HAND2: variants seen among roughly 807,000 people sequenced by gnomAD.
HAND2 encodes the protein heart- and neural crest derivatives-expressed protein 2.
Under a neutral mutation model 14.7 loss-of-function variants are expected in HAND2, and 2 were observed. The observed-to-expected ratio is 0.14, with a 90% CI of 0.06 to 0.43. The LOEUF (loss-of-function observed/expected upper bound fraction) is 0.43. Ranked by LOEUF, HAND2 falls within the 20% of genes least tolerant of loss-of-function variation. The pLI, the probability that HAND2 is intolerant of heterozygous loss-of-function variation, is 0.99. For missense variants in HAND2, 275 were observed against 313.6 expected (o/e 0.88, Z 0.93); for synonymous variants, 162 against 135.9 (o/e 1.19, Z -1.34).
At position 173,526,771 on chromosome 4, in the gene HAND2, G is replaced by C. The variant is rs1731464155; in HGVS notation, c.*506C>G. 2.8e-6 allele frequency: 1 copy of C among 353,972 alleles called. No homozygotes were observed. The highest frequency in any genetic ancestry group is 5.6e-6 in the Non-Finnish European group (1 of 179,610). The allele number at this position is 353,972 out of a possible 1,614,324, so 21.9% of individuals were successfully genotyped here. On this transcript the variant is annotated 3_prime_UTR_variant, in exon 2 of 2. Transcript: ENST00000359562. Reference sequence around the variant, plus strand: ...GACCACAGATGAATGGATAGCACTAGATACCGACCCCAACGGAAATGTTAG... The same window carrying C: ...GACCACAGATGAATGGATAGCACTACATACCGACCCCAACGGAAATGTTAG...
At chr4:173,527,515 C>A in intron 1 of HAND2, 140 bp from the exon 2 acceptor site, 2 of 732,566 alleles carry the variant, frequency 2.7e-6, no homozygotes, top group East Asian at 2.5e-5. Context: ...GGAGTCCCAG[C>A]CCCTGCAGAG....
intron 1 of HAND2, chr4:173,527,579 C>G (rs1169889228): frequency 1.0e-5 from 6 of 599,496 alleles, no homozygotes; most frequent in East Asian, 2.8e-5. Context: ...GGCGCTGCAG[C>G]GCTCAACAAC....
At position 173,526,753 on chromosome 4, in the gene HAND2, G is replaced by A; in HGVS notation, c.*524C>T. ...CATCTTCAAAGAGGGAACGACCACA[G>A]ATGAATGGATAGCACTAGATACCGA... On this transcript the variant is annotated 3_prime_UTR_variant, in exon 2 of 2. Transcript: ENST00000359562. 3.0e-6 allele frequency: 1 copy of A among 328,764 alleles called. No homozygotes were observed. Among genetic ancestry groups the A allele is most frequent in the Non-Finnish European group, 6.0e-6 (1 of 166,464 alleles). The allele number at this position is 328,764 out of a possible 1,614,324, so 20.4% of individuals were successfully genotyped here.
Position 173,526,473 on chromosome 4 carries a change from T to G in HAND2, c.*804A>C, listed in dbSNP as rs1731454370. On this transcript the variant is annotated 3_prime_UTR_variant, in exon 2 of 2. Transcript: ENST00000359562. ...GGTCAGGGTGACTGGTTGGAACCAC[T>G]GAGTCTTTAAAATAAAGTTAGAGGC... 1 of 156,280 alleles carries G rather than the reference T, an allele frequency of 6.4e-6. No individual in the cohort carries two copies. The highest frequency in any genetic ancestry group is 6.3e-5 in the Admixed American group (1 of 15,852). The allele number at this position is 156,280 out of a possible 1,614,324, so 9.7% of individuals were successfully genotyped here.
rs1245381858 is a variant in HAND2, at chr4:173,526,339, TG to T, written c.*937del. ...TAGAGACTACTCAGCGTTCTCCAGCTGGGGGAAGAGGGAAGGAGACACCACA... is the reference window on the plus strand; with the variant it reads ...TAGAGACTACTCAGCGTTCTCCAGCTGGGGAAGAGGGAAGGAGACACCACA... On this transcript the variant is annotated 3_prime_UTR_variant, in exon 2 of 2. Transcript: ENST00000359562. 6.6e-6 allele frequency: 1 copy of T among 152,604 alleles called. No homozygotes were observed. Among genetic ancestry groups the T allele is most frequent in the Non-Finnish European group, 1.5e-5 (1 of 68,418 alleles). 9.5% of individuals were successfully genotyped at this position (152,604 alleles called of 1,614,324 possible).
Position 173,529,716 on chromosome 4 carries a change from C to T in HAND2, c.-427G>A, listed in dbSNP as rs2110908625. On this transcript the variant is annotated 5_prime_UTR_variant, in exon 1 of 2. Transcript: ENST00000359562. The stretch of plus-strand genomic sequence containing the variant: ...ACGCGGAGTCTCGGGAATCCAAGCC[C>T]GGGCCGCGGTCCTGGCACCGAAGCT... 6.6e-6 allele frequency: 1 copy of T among 152,208 alleles called. No homozygotes were observed. The highest frequency in any genetic ancestry group is 2.0e-4 in the East Asian group (1 of 5,122). The allele number at this position is 152,208 out of a possible 1,614,324, so 9.4% of individuals were successfully genotyped here. A position where few individuals can be genotyped will look rare whatever the true frequency, so the allele number is the denominator to read the frequency against.
At position 173,527,477 on chromosome 4, in the gene HAND2, T is replaced by A; in HGVS notation, c.556-102A>T. ...GAGCTTCCTGCGCCGGAGGAGACAG[T>A]GAACCAGAGAGGAAAGGATACGATG... On this transcript the variant is annotated intron_variant, in intron 1 of 1. Coordinates refer to ENST00000359562, the MANE Select transcript of HAND2 (RefSeq NM_021973.3). 6 of 820,460 alleles carry A rather than the reference T, an allele frequency of 7.3e-6. No individual in the cohort carries two copies. In the South Asian group the frequency reaches 8.0e-5, roughly 11 times the overall value. The allele number at this position is 820,460 out of a possible 1,614,324, so 50.8% of individuals were successfully genotyped here. A position where few individuals can be genotyped will look rare whatever the true frequency, so the allele number is the denominator to read the frequency against.
At position 173,527,209 on chromosome 4, in the gene HAND2, C is replaced by G. The variant is rs1731483147; in HGVS notation, c.*68G>C. 1 of 1,051,912 alleles carries G rather than the reference C, an allele frequency of 9.5e-7. No homozygotes were observed. The highest frequency in any genetic ancestry group is 1.5e-6 in the Non-Finnish European group (1 of 676,240). 65.2% of individuals were successfully genotyped at this position (1,051,912 alleles called of 1,614,324 possible). On this transcript the variant is annotated 3_prime_UTR_variant, in exon 2 of 2. Transcript: ENST00000359562. ...GGAGCGCGGACGGCTTTTCCGGAGT[C>G]CTGGGTCTGCATCTGGCGCCTTGGC...
intron 1 of HAND2, chr4:173,527,975 T>C (rs776404939): frequency 3.3e-4 from 52 of 155,380 alleles, no homozygotes; most frequent in Non-Finnish European, 5.1e-4. Context: ...ACCACTGCCC[T>C]GTGGGCACTT....
rs972925644 is a variant in HAND2, at chr4:173,529,645, T to A, written c.-356A>T. ...CCCGGGCTGCTGCGCGGAGGCAGAA[T>A]CCTCTCGTGCTCATACAAAGGTGCC... On this transcript the variant is annotated 5_prime_UTR_variant, in exon 1 of 2. Coordinates refer to ENST00000359562, the MANE Select transcript of HAND2 (RefSeq NM_021973.3). The A allele has an allele frequency of 1.3e-5, 2 of 152,796 alleles. No homozygotes were observed. Among genetic ancestry groups the A allele is most frequent in the Non-Finnish European group, 2.9e-5 (2 of 68,152 alleles). 9.5% of individuals were successfully genotyped at this position (152,796 alleles called of 1,614,324 possible).
Position 173,528,650 on chromosome 4 carries a change from A to AT in HAND2, c.555+84dup, listed in dbSNP as rs199886789. The AT allele has an allele frequency of 3.3e-3, 4,896 of 1,504,690 alleles. 138 individuals are homozygous for AT. In the African/African-American group the frequency reaches 0.057, roughly 17 times the overall value. 93.2% of individuals were successfully genotyped at this position (1,504,690 alleles called of 1,614,324 possible). A position where few individuals can be genotyped will look rare whatever the true frequency, so the allele number is the denominator to read the frequency against. ...ACGCAGCCAAAGAACACGAGATGCC[A>AT]TTTCTCAGCCCAATTGGAAAGAGGC... On this transcript the variant is annotated intron_variant, in intron 1 of 1. Coordinates refer to ENST00000359562, the MANE Select transcript of HAND2 (RefSeq NM_021973.3). The surrounding 1 kb of genome is among the most constrained non-coding windows in gnomAD (Gnocchi z 5.6).
Position 173,527,194 on chromosome 4 carries a change from C to G in HAND2, c.*83G>C, listed in dbSNP as rs768876718. Reference sequence around the variant, plus strand: ...AGGAGTCCTCAGAGCGGAGCGCGGACGGCTTTTCCGGAGTCCTGGGTCTGC... The same window carrying G: ...AGGAGTCCTCAGAGCGGAGCGCGGAGGGCTTTTCCGGAGTCCTGGGTCTGC... On this transcript the variant is annotated 3_prime_UTR_variant, in exon 2 of 2. Transcript: ENST00000359562. 3.4e-6 allele frequency: 3 copies of G among 882,752 alleles called. No homozygotes were observed. Among genetic ancestry groups the G allele is most frequent in the African/African-American group, 3.3e-5 (2 of 61,302 alleles). 54.7% of individuals were successfully genotyped at this position (882,752 alleles called of 1,614,324 possible).
rs772504814 is a variant in HAND2, at chr4:173,527,392, C to A, written c.556-17G>T. 1 of 1,570,262 alleles carries A rather than the reference C, an allele frequency of 6.4e-7. No homozygotes were observed. Among genetic ancestry groups the A allele is most frequent in the African/African-American group, 1.3e-5 (1 of 74,186 alleles). ...GATTTCGTTCTGGACAGAGGAAAGG[C>A]GAGGGCGAGAAAAGTGGAAAGAGAA... is the stretch of plus-strand genomic sequence containing the variant. On this transcript the variant is annotated splice_polypyrimidine_tract_variant and intron_variant, in intron 1 of 1. Coordinates refer to ENST00000359562, the MANE Select transcript of HAND2 (RefSeq NM_021973.3).
At position 173,528,700 on chromosome 4, in the gene HAND2, C is replaced by G; in HGVS notation, c.555+35G>C. ...CCGGGAGCACCAGTTCCCTGACCCC[C>G]TCAGCCCCACCGCCTGCCGCCCCCT... is the stretch of plus-strand genomic sequence containing the variant. On this transcript the variant is annotated intron_variant, in intron 1 of 1. Coordinates refer to ENST00000359562, the MANE Select transcript of HAND2 (RefSeq NM_021973.3). The surrounding 1 kb of genome is among the most constrained non-coding windows in gnomAD (Gnocchi z 5.6). 6.3e-7 allele frequency: 1 copy of G among 1,593,966 alleles called. No individual in the cohort carries two copies. Among genetic ancestry groups the G allele is most frequent in the Non-Finnish European group, 8.5e-7 (1 of 1,170,776 alleles).
Position 173,527,275 on chromosome 4 carries a change from C to T in HAND2, c.*2G>A, listed in dbSNP as rs1731488515. 3.7e-6 allele frequency: 6 copies of T among 1,607,546 alleles called. No homozygotes were observed. The highest frequency in any genetic ancestry group is 1.3e-5 in the African/African-American group (1 of 74,940). On this transcript the variant is annotated 3_prime_UTR_variant, in exon 2 of 2. Transcript: ENST00000359562. ...CTCTCCTCCTCCTCCTTCTCCTCCTCCTCACTGCTTGAGCTCCAGGGCCCA... is the reference window on the plus strand; with the variant it reads ...CTCTCCTCCTCCTCCTTCTCCTCCTTCTCACTGCTTGAGCTCCAGGGCCCA...
rs757654592 is a variant in HAND2, at chr4:173,527,647, G to A, written c.556-272C>T. 1.9e-4 allele frequency: 93 copies of A among 480,448 alleles called. 1 individual carries two copies. The highest frequency in any genetic ancestry group is 3.2e-4 in the Non-Finnish European group (86 of 265,318). The allele number at this position is 480,448 out of a possible 1,614,324, so 29.8% of individuals were successfully genotyped here. ...TTCGAGTCGTTTATGGAGGAGCGGGGGGCCTTTTCTCTTACTCCAGATGTA... is the reference window on the plus strand; with the variant it reads ...TTCGAGTCGTTTATGGAGGAGCGGGAGGCCTTTTCTCTTACTCCAGATGTA... On this transcript the variant is annotated intron_variant, in intron 1 of 1. Coordinates refer to ENST00000359562, the MANE Select transcript of HAND2 (RefSeq NM_021973.3).
rs201609965 is a variant in HAND2 at position 173,528,933 on chromosome 4, G to A, written c.357C>T (p.Phe119=). The part of the protein sequence containing the change: ...RRRTQSINSA[F]AELRECIPNV... ...TGGGGATGCACTCGCGCAGTTCGGC[G>A]AAGGCGCTGTTGATGCTCTGAGTCC... Residue 119 remains phenylalanine, a synonymous_variant, in exon 1 of 2, where the codon TTC becomes TTT. Transcript: ENST00000359562. The surrounding 1 kb of genome is among the most constrained non-coding windows in gnomAD (Gnocchi z 5.6). 1.7e-5 allele frequency: 27 copies of A among 1,614,028 alleles called. No homozygotes were observed. In the African/African-American group the frequency reaches 2.8e-4, roughly 17 times the overall value.
rs1731630792 is a variant in HAND2 at position 173,529,416 on chromosome 4, G to T, written c.-127C>A. The T allele has an allele frequency of 2.4e-6, 1 of 421,364 alleles. No individual in the cohort carries two copies. Among genetic ancestry groups the T allele is most frequent in the Non-Finnish European group, 3.1e-6 (1 of 321,734 alleles). The allele number at this position is 421,364 out of a possible 1,614,324, so 26.1% of individuals were successfully genotyped here. A position where few individuals can be genotyped will look rare whatever the true frequency, so the allele number is the denominator to read the frequency against. On this transcript the variant is annotated 5_prime_UTR_variant, in exon 1 of 2. Coordinates refer to ENST00000359562, the MANE Select transcript of HAND2 (RefSeq NM_021973.3). ...CACCCCCCAGCCCCCGGGCGCCCGGGCCCGCCCGGCAGCCGCAGAGGGGGC... is the reference window on the plus strand; with the variant it reads ...CACCCCCCAGCCCCCGGGCGCCCGGTCCCGCCCGGCAGCCGCAGAGGGGGC...
rs1731463206 is a variant in HAND2, at chr4:173,526,742, G to C, written c.*535C>G. On this transcript the variant is annotated 3_prime_UTR_variant, in exon 2 of 2. Coordinates refer to ENST00000359562, the MANE Select transcript of HAND2 (RefSeq NM_021973.3). ...GCTGTTGGAAACATCTTCAAAGAGG[G>C]AACGACCACAGATGAATGGATAGCA... 1 of 305,498 alleles carries C rather than the reference G, an allele frequency of 3.3e-6. No individual in the cohort carries two copies. Among genetic ancestry groups the C allele is most frequent in the African/African-American group, 2.2e-5 (1 of 46,174 alleles). 18.9% of individuals were successfully genotyped at this position (305,498 alleles called of 1,614,324 possible). A position where few individuals can be genotyped will look rare whatever the true frequency, so the allele number is the denominator to read the frequency against.
Sources: allele counts gnomAD v4.1 joint callset, GRCh38; gene constraint gnomAD v4.1.1; non-coding constraint Gnocchi (gnomAD v3.1); transcripts MANE v1.5; gene names NCBI Gene and HGNC (gene_info 2026-07-23, HGNC 2026-07-21).